The following STK3 variants were observed in gnomAD, a reference collection of about 807,000 sequenced individuals.
The protein encoded by STK3 is serine/threonine kinase 3.
Under a neutral mutation model 58.0 loss-of-function variants are expected in STK3, and 41 were observed. The observed-to-expected ratio is 0.71, with a 90% CI of 0.55 to 0.92. The LOEUF is 0.92. STK3 is among the 40% of genes least tolerant of loss of function. The pLI, the probability that STK3 is intolerant of heterozygous loss-of-function variation, is 0.00. For synonymous variants in STK3, 170 were observed against 191.0 expected (o/e 0.89, Z 0.91); for missense variants, 479 against 602.7 (o/e 0.79, Z 2.15).
intron 4 of STK3, among the ~76,000 whole-genome samples, chr8:98,743,240 C>T (rs532533252): frequency 1.9e-3 from 260 of 136,544 alleles, no homozygotes; most frequent in African/African-American, 6.5e-3. Context: ...CTTTAAAGTT[C>T]ATATGGAAAA....
intron 1 of STK3, chr8:98,905,345 G>T: frequency 1.0e-6 from 1 of 966,268 alleles, no homozygotes; most frequent in Non-Finnish European, 1.7e-6. Context: ...AATCTTTCAC[G>T]ATGTCACATT....
At chr8:98,537,339 G>A (rs1292627160) in intron 9 of STK3, among the ~76,000 whole-genome samples, 5 of 152,132 alleles carry the variant, frequency 3.3e-5, no homozygotes, top group African/African-American at 1.2e-4. Context: ...GGTTAGGTTT[G>A]TTTTAAAAGT....
At chr8:98,423,505 T>C (rs569080111) in intron 3 of STK3, among the ~76,000 whole-genome samples, 1 of 152,322 alleles carries the variant, frequency 6.6e-6, no homozygotes, top group East Asian at 1.9e-4. Context: ...GGAGATGGTT[T>C]TCATTCTCAG....
At chr8:98,534,405 A>G (rs4301421) in intron 9 of STK3, among the ~76,000 whole-genome samples, 63,293 of 152,088 alleles carry the variant, frequency 0.42, 13,375 homozygotes, top group Admixed American at 0.54. Flanking sequence ...AACTCCTTAG[A>G]GACAGTTCAG....
At chr8:98,621,906 G>T (rs559662960) in intron 6 of STK3, among the ~76,000 whole-genome samples, 1 of 151,588 alleles carries the variant, frequency 6.6e-6, no homozygotes, top group East Asian at 1.9e-4. Context: ...CCTTCTTGTT[G>T]CAAGTAAAAT....
upstream of STK3, among the ~76,000 whole-genome samples, chr8:98,828,460 A>G (rs925286500): frequency 1.5e-4 from 22 of 150,620 alleles, no homozygotes; most frequent in African/African-American, 4.6e-4. Flanking sequence ...AAAAAAAAAA[A>G]AAAAACAAAA....
intron 8 of STK3, among the ~76,000 whole-genome samples, chr8:98,558,258 T>A (rs574552838): frequency 2.0e-4 from 30 of 152,226 alleles, no homozygotes; most frequent in African/African-American, 6.5e-4. Flanking sequence ...TTCCACTATT[T>A]GGAGATTTAC....
chr8:98,780,416 A>C (rs1832012425), intron 1 of STK3, among the ~76,000 whole-genome samples: 1 of 152,098 alleles, frequency 6.6e-6, no homozygotes, highest in South Asian at 2.1e-4. Flanking sequence ...TATGATTAAG[A>C]AGCTAAATCA....
chr8:98,701,985 C>T (rs1178146569), intron 6 of STK3, among the ~76,000 whole-genome samples: 2 of 152,158 alleles, frequency 1.3e-5, no homozygotes, highest in Non-Finnish European at 2.9e-5. Flanking sequence ...TATCCCTCTC[C>T]TGTTTAAAAG....
At chr8:98,467,917 T>G (rs1038654269) in intron 10 of STK3, among the ~76,000 whole-genome samples, 1 of 152,220 alleles carries the variant, frequency 6.6e-6, no homozygotes, top group Admixed American at 6.5e-5. Context: ...GTCTAACAAT[T>G]TAAATTATAC....
At chr8:98,727,237 T>C (rs933388348) in intron 4 of STK3, among the ~76,000 whole-genome samples, 2 of 152,142 alleles carry the variant, frequency 1.3e-5, no homozygotes, top group African/African-American at 4.8e-5. Context: ...AGGCACAAGA[T>C]TATCACTCTT....
chr8:98,867,443 CTG>C (rs1016874818), intron 3 of STK3, among the ~76,000 whole-genome samples: 3 of 152,076 alleles, frequency 2.0e-5, no homozygotes, highest in African/African-American at 7.2e-5. Context: ...AAAGGGGAAA[CTG>C]AGGCTTGGGA....
chr8:98,655,708 T>C (rs534667710), intron 6 of STK3, among the ~76,000 whole-genome samples: 2,628 of 151,834 alleles, frequency 0.017, 72 homozygotes, highest in African/African-American at 0.061. Flanking sequence ...AAGAAGACAT[T>C]TATGCAGCCA....
chr8:98,783,788 G>A (rs1832275143), intron 1 of STK3, among the ~76,000 whole-genome samples: 1 of 152,134 alleles, frequency 6.6e-6, no homozygotes, highest in Non-Finnish European at 1.5e-5. Context: ...TTATTTCCAA[G>A]ATGGCAGATT....
intron 10 of STK3, among the ~76,000 whole-genome samples, chr8:98,484,233 C>G (rs1232652569): frequency 6.6e-6 from 1 of 151,722 alleles, no homozygotes; most frequent in Non-Finnish European, 1.5e-5. Flanking sequence ...TTCTTTCCTA[C>G]AAAAATCAGG....
rs182262288 is a variant in STK3 at position 98,768,583 on chromosome 8, A to G, written c.108-1212T>C. Among the ~76,000 whole-genome samples, 1,315 of 152,254 alleles carry G rather than the reference A, an allele frequency of 8.6e-3. 10 individuals carry two copies. The highest frequency in any genetic ancestry group is 0.03 in the African/African-American group (1,238 of 41,542). On this transcript the variant is annotated intron_variant, in intron 2 of 10. Coordinates refer to ENST00000419617, the MANE Select transcript of STK3 (RefSeq NM_006281.4). The stretch of plus-strand genomic sequence containing the variant: ...GTGTGTGTATCTCCCCTTGAAAGCC[A>G]TATGTGTGTATGTGTGTATATTCCC...
intron 1 of STK3, among the ~76,000 whole-genome samples, chr8:98,820,969 T>C (rs1834858556): frequency 6.6e-6 from 1 of 151,734 alleles, no homozygotes; most frequent in African/African-American, 2.4e-5. Context: ...CAGAGCAAGA[T>C]TCCACCTCAA....
Position 98,544,566 on chromosome 8 carries a change from G to C in STK3, c.1141+3403C>G, listed in dbSNP as rs567092660. 2.6e-5 allele frequency among the ~76,000 whole-genome samples: 4 copies of C among 151,604 alleles called. No individual in the cohort carries two copies. The South Asian group carries it at 6.3e-4, about 24-fold the overall frequency. On this transcript the variant is annotated intron_variant, in intron 9 of 10. Transcript: ENST00000419617. ...GAGAAGCAGGGATGGTAGAACACTT[G>C]AAAAGAAAGTATCTTACCAAGGCAG...
chr8:98,907,464 G>A (rs996953120), intron 1 of STK3, among the ~76,000 whole-genome samples: 7 of 152,188 alleles, frequency 4.6e-5, no homozygotes, highest in Non-Finnish European at 7.4e-5. Context: ...AGTGAGCCGA[G>A]ATTGTGCCAC....
Sources: gnomAD v4.1 joint callset for allele counts (sites outside exome capture counted in the v4.1 genomes callset) on GRCh38, gnomAD v4.1.1 for gene constraint, MANE v1.5 for transcripts, NCBI Gene and HGNC (gene_info 2026-07-23, HGNC 2026-07-21) for gene names.